Variants in CACNB2 observed in about 807,000 individuals in gnomAD.
CACNB2 encodes the protein calcium voltage-gated channel auxiliary subunit beta 2.
In CACNB2, 42 loss-of-function variants were observed where a neutral mutation model predicts 73.3. That is an observed-to-expected ratio of 0.57 (90% CI 0.45 to 0.74). The LOEUF (loss-of-function observed/expected upper bound fraction) is 0.74. Ranked by LOEUF, CACNB2 falls within the 30% of genes least tolerant of loss-of-function variation. The pLI is 0.00. For missense variants in CACNB2, 940 were observed against 853.0 expected (o/e 1.10, Z -1.27); for synonymous variants, 348 against 310.3 (o/e 1.12, Z -1.28).
chr10:18,187,429 A>G (rs930979473), intron 2 of CACNB2, among the ~76,000 whole-genome samples: 1 of 152,230 alleles, frequency 6.6e-6, no homozygotes, highest in Admixed American at 6.5e-5. Context: ...ATATGCTGTT[A>G]TGTATCAAAT....
At chr10:18,487,830 C>A (rs540858330) in intron 3 of CACNB2, among the ~76,000 whole-genome samples, 17 of 101,406 alleles carry the variant, frequency 1.7e-4, no homozygotes, top group African/African-American at 7.5e-4. Context: ...CAGAGCAAGA[C>A]TCCATCTCAA....
intron 3 of CACNB2, among the ~76,000 whole-genome samples, chr10:18,492,033 G>A (rs2049465823): frequency 6.6e-6 from 1 of 152,112 alleles, no homozygotes; most frequent in African/African-American, 2.4e-5. Flanking sequence ...TGGCTTCTAG[G>A]GGAGGCCTCA....
chr10:18,318,617 A>G (rs2040282264), intron 2 of CACNB2, among the ~76,000 whole-genome samples: 2 of 152,240 alleles, frequency 1.3e-5, no homozygotes, highest in South Asian at 4.1e-4. Flanking sequence ...ATCTAATTAA[A>G]CTAAAGAGCT....
At chr10:18,415,481 CAAAGA>C (rs769393547) in intron 3 of CACNB2, among the ~76,000 whole-genome samples, 180 of 139,638 alleles carry the variant, frequency 1.3e-3, no homozygotes, top group Admixed American at 2.3e-3. Flanking sequence ...AAAAAAAAAA[CAAAGA>C]AAAGAAAAAA....
chr10:18,403,716 C>T (rs1172560342), intron 3 of CACNB2, among the ~76,000 whole-genome samples: 1 of 151,934 alleles, frequency 6.6e-6, no homozygotes, highest in African/African-American at 2.4e-5. Context: ...TGTTACTTGT[C>T]CTACAGCCTA....
intron 10 of CACNB2, among the ~76,000 whole-genome samples, chr10:18,533,789 A>T (rs1346251483): frequency 6.6e-6 from 1 of 152,208 alleles, no homozygotes; most frequent in African/African-American, 2.4e-5. Flanking sequence ...ATAGACTGCA[A>T]GCACAAAGAA....
chr10:18,317,405 TG>T (rs1485862025), intron 2 of CACNB2, among the ~76,000 whole-genome samples: 1 of 152,136 alleles, frequency 6.6e-6, no homozygotes, highest in African/African-American at 2.4e-5. Flanking sequence ...TCTCCCCTTT[TG>T]GGACTCCAGT....
intron 2 of CACNB2, among the ~76,000 whole-genome samples, chr10:18,264,198 C>T (rs975536987): frequency 3.4e-4 from 52 of 152,038 alleles, no homozygotes; most frequent in Admixed American, 3.4e-3. Flanking sequence ...TTTGTGGGTA[C>T]ATAATAGGTG....
intron 3 of CACNB2, among the ~76,000 whole-genome samples, chr10:18,421,250 G>T: frequency 6.7e-6 from 1 of 150,052 alleles, no homozygotes; most frequent in African/African-American, 2.5e-5. Context: ...TGTTTCCTTG[G>T]CTGAAAAATG....
intron 2 of CACNB2, chr10:18,260,833 C>G: frequency 1.9e-6 from 2 of 1,026,220 alleles, no homozygotes; most frequent in Non-Finnish European, 2.3e-6. Context: ...TTTTCAAAAG[C>G]AGAGTACTGC....
chr10:18,367,124 T>C (rs1260992397), intron 2 of CACNB2, among the ~76,000 whole-genome samples: 1 of 152,198 alleles, frequency 6.6e-6, no homozygotes, highest in African/African-American at 2.4e-5. Flanking sequence ...ACATTTTTCA[T>C]CATTTTTTTA....
chr10:18,194,915 T>C (rs2034560278), intron 2 of CACNB2, among the ~76,000 whole-genome samples: 1 of 152,212 alleles, frequency 6.6e-6, no homozygotes, highest in Non-Finnish European at 1.5e-5. Flanking sequence ...TCTCAGAAGA[T>C]TCATTTCAGA....
chr10:18,513,474 C>G (rs2050972579), intron 6 of CACNB2: 1 of 275,484 alleles, frequency 3.6e-6, no homozygotes, highest in Non-Finnish European at 7.2e-6. Context: ...CTATGCTCCT[C>G]ATCTTCAAGT....
chr10:18,299,075 A>T (rs569903491), intron 2 of CACNB2, among the ~76,000 whole-genome samples: 96 of 96,856 alleles, frequency 9.9e-4, no homozygotes, highest in South Asian at 7.4e-3. Flanking sequence ...ACTAAAAAAA[A>T]AAAAATAAAA....
intron 2 of CACNB2, among the ~76,000 whole-genome samples, chr10:18,239,578 T>C (rs1329098981): frequency 6.6e-6 from 1 of 152,246 alleles, no homozygotes; most frequent in Non-Finnish European, 1.5e-5. Flanking sequence ...CATACATTGA[T>C]GGACACTTAG....
chr10:18,351,460 T>C (rs2041704037), intron 2 of CACNB2, among the ~76,000 whole-genome samples: 2 of 152,232 alleles, frequency 1.3e-5, no homozygotes, highest in Admixed American at 6.5e-5. Flanking sequence ...CTTCTACCTA[T>C]ATTTTTTAAT....
Position 18,500,847 on chromosome 10 carries a change from A to T in CACNB2, c.492A>T (p.Val164=). Residue 164 remains valine, a synonymous_variant, in exon 5 of 14, where the codon GTA becomes GTT. Transcript: ENST00000324631. ...FNNDWWIGRL[V]KEGCEIGFIP... ...ATGACTGGTGGATAGGGCGATTGGT[A>T]AAAGAAGGCTGTGAAATCGGATTCA... 6.2e-7 allele frequency: 1 copy of T among 1,613,986 alleles called. No individual in the cohort carries two copies. Among genetic ancestry groups the T allele is most frequent in the Admixed American group, 1.7e-5 (1 of 60,020 alleles).
intron 2 of CACNB2, among the ~76,000 whole-genome samples, chr10:18,386,399 A>ATTTTTTTTTTTTTT (rs10637329): frequency 9.4e-6 from 1 of 106,518 alleles, no homozygotes; most frequent in African/African-American, 3.6e-5. Context: ...TTTATTTATG[A>ATTTTTTTTTTTTTT]TTTTTTTTTT....
At chr10:18,360,889 C>G (rs72786031) in intron 2 of CACNB2, among the ~76,000 whole-genome samples, 1 of 152,298 alleles carries the variant, frequency 6.6e-6, no homozygotes, top group Non-Finnish European at 1.5e-5. Flanking sequence ...ATATTCCCTA[C>G]TCACTGTGGG....
Sources: gnomAD v4.1 joint callset for allele counts (sites outside exome capture counted in the v4.1 genomes callset) on GRCh38, gnomAD v4.1.1 for gene constraint, MANE v1.5 for transcripts, NCBI Gene and HGNC (gene_info 2026-07-23, HGNC 2026-07-21) for gene names.